The following TBCK variants were observed in gnomAD, a reference collection of about 807,000 sequenced individuals.
TBCK encodes the protein TBC domain-containing protein kinase-like protein.
A neutral mutation model predicts 113.4 loss-of-function variants in TBCK; 99 were observed. The observed-to-expected ratio is 0.87, with a 90% CI of 0.74 to 1.03. The LOEUF (loss-of-function observed/expected upper bound fraction) is 1.03. Among genes scored for constraint, TBCK ranks in the 50% least tolerant of loss-of-function variants. The pLI is 0.00. For synonymous variants in TBCK, 369 were observed against 370.8 expected (o/e 1.00, Z 0.05); for missense variants, 1,045 against 1,061.3 (o/e 0.98, Z 0.21).
intron 25 of TBCK, among the ~76,000 whole-genome samples, chr4:106,069,769 T>C (rs1737141767): frequency 6.6e-6 from 1 of 152,198 alleles, no homozygotes; most frequent in Non-Finnish European, 1.5e-5. Context: ...ATTCTTCCTA[T>C]CCATGAGCAT....
At chr4:106,235,906 C>T (rs1347297349) in intron 14 of TBCK, among the ~76,000 whole-genome samples, 2 of 151,998 alleles carry the variant, frequency 1.3e-5, no homozygotes, top group East Asian at 3.9e-4. Flanking sequence ...AATTGTTTTA[C>T]AAAATGTTTC....
chr4:106,309,943 C>T (rs1254395359), intron 1 of TBCK: 1 of 152,086 alleles, frequency 6.6e-6, no homozygotes, highest in Non-Finnish European at 1.5e-5. Flanking sequence ...ATAAATGGTG[C>T]CCCAAAGTTG....
chr4:106,191,458 A>G (rs1348791807), intron 22 of TBCK, among the ~76,000 whole-genome samples: 3 of 152,212 alleles, frequency 2.0e-5, no homozygotes, highest in Non-Finnish European at 4.4e-5. Flanking sequence ...TGAAGTTTAT[A>G]CTATTACTAA....
chr4:106,151,650 G>GA (rs919738470), intron 23 of TBCK, among the ~76,000 whole-genome samples: 55 of 151,986 alleles, frequency 3.6e-4, no homozygotes, highest in Non-Finnish European at 4.4e-5. Flanking sequence ...TTTTAATAGG[G>GA]ATTGCATTAA....
chr4:106,310,650 G>C (rs1768102570), intron 1 of TBCK: 1 of 152,174 alleles, frequency 6.6e-6, no homozygotes, highest in African/African-American at 2.4e-5. Context: ...AGATTTGGCT[G>C]TTCACCCAGC....
intron 20 of TBCK, among the ~76,000 whole-genome samples, chr4:106,196,169 C>T (rs1754212919): frequency 6.6e-6 from 1 of 151,676 alleles, no homozygotes. Flanking sequence ...GAAATATATA[C>T]ATACACACAT....
chr4:106,218,920 C>T (rs1757325737), intron 19 of TBCK, among the ~76,000 whole-genome samples: 1 of 151,532 alleles, frequency 6.6e-6, no homozygotes, highest in African/African-American at 2.4e-5. Flanking sequence ...CACATGCACA[C>T]ATATGTTTAT....
chr4:106,157,845 G>A (rs1244188200), intron 23 of TBCK, among the ~76,000 whole-genome samples: 1 of 152,076 alleles, frequency 6.6e-6, no homozygotes, highest in Non-Finnish European at 1.5e-5. Context: ...GACATGCTCG[G>A]TGAAGACTTC....
chr4:106,270,567 TAAATTA>T (rs1444559373), intron 3 of TBCK, among the ~76,000 whole-genome samples: 1 of 152,238 alleles, frequency 6.6e-6, no homozygotes, highest in Non-Finnish European at 1.5e-5. Flanking sequence ...AGTTGTTTTT[TAAATTA>T]AAATTAATGT....
intron 25 of TBCK, among the ~76,000 whole-genome samples, chr4:106,050,399 T>G (rs1382431843): frequency 2.0e-5 from 3 of 152,022 alleles, no homozygotes; most frequent in African/African-American, 7.2e-5. Context: ...AAATTCTTTT[T>G]GAGTACATGT....
intron 20 of TBCK, among the ~76,000 whole-genome samples, chr4:106,204,659 G>GTTA (rs1755244975): frequency 6.6e-6 from 1 of 151,890 alleles, no homozygotes; most frequent in Non-Finnish European, 1.5e-5. Context: ...AGTACAAAGA[G>GTTA]GTAAAGCACT....
At chr4:106,216,753 AC>A (rs1294196477) in intron 19 of TBCK, among the ~76,000 whole-genome samples, 3 of 151,994 alleles carry the variant, frequency 2.0e-5, no homozygotes, top group African/African-American at 7.2e-5. Flanking sequence ...AGAGTCCAGG[AC>A]CAGATGGATT....
At chr4:106,100,812 A>G (rs1741465174) in intron 24 of TBCK, among the ~76,000 whole-genome samples, 1 of 152,202 alleles carries the variant, frequency 6.6e-6, no homozygotes, top group Non-Finnish European at 1.5e-5. Context: ...TTTCATTACT[A>G]ATTCTCATAT....
At chr4:106,159,235 C>A (rs77333937) in intron 23 of TBCK, among the ~76,000 whole-genome samples, 1,716 of 152,132 alleles carry the variant, frequency 0.011, 30 homozygotes, top group African/African-American at 0.039. Context: ...AATGAATAAA[C>A]AAGGATGCCT....
At chr4:106,063,118 T>G (rs1474521451) in intron 25 of TBCK, among the ~76,000 whole-genome samples, 1 of 151,970 alleles carries the variant, frequency 6.6e-6, no homozygotes, top group African/African-American at 2.4e-5. Context: ...TCCAGCATGT[T>G]CAAGGTGCAT....
intron 3 of TBCK, among the ~76,000 whole-genome samples, chr4:106,291,749 A>G (rs1280770659): frequency 6.6e-6 from 1 of 152,206 alleles, no homozygotes; most frequent in African/African-American, 2.4e-5. Context: ...GCTGCTAAAG[A>G]CATCTGTCAT....
intron 25 of TBCK, among the ~76,000 whole-genome samples, chr4:106,084,659 T>G (rs1285259953): frequency 6.6e-6 from 1 of 151,924 alleles, no homozygotes; most frequent in Non-Finnish European, 1.5e-5. Flanking sequence ...AAGGTTGAAA[T>G]GAAGGAAAAA....
At chr4:106,191,081 T>A (rs998902836) in intron 22 of TBCK, among the ~76,000 whole-genome samples, 10 of 152,206 alleles carry the variant, frequency 6.6e-5, no homozygotes, top group Non-Finnish European at 1.5e-4. Context: ...AAAATGAATG[T>A]CTGTGTCTGT....
intron 25 of TBCK, among the ~76,000 whole-genome samples, chr4:106,050,427 G>C (rs1734679715): frequency 6.6e-6 from 1 of 151,888 alleles, no homozygotes. Context: ...TTCCAAAATT[G>C]ACCAATTCAA....
Sources: gnomAD v4.1 joint callset for allele counts (sites outside exome capture counted in the v4.1 genomes callset) on GRCh38, gnomAD v4.1.1 for gene constraint, MANE v1.5 for transcripts, NCBI Gene and HGNC (gene_info 2026-07-23, HGNC 2026-07-21) for gene names.